ANO3: variants seen among roughly 807,000 people sequenced by gnomAD.
ANO3 encodes the protein anoctamin 3.
In ANO3, 99 loss-of-function variants were observed where a neutral mutation model predicts 144.8. The observed-to-expected ratio is 0.68, with a 90% CI of 0.58 to 0.81. The LOEUF is 0.81. ANO3 is among the 30% of genes least tolerant of loss of function. The pLI is 0.00. For missense variants in ANO3, 905 were observed against 1,202.2 expected (o/e 0.75, Z 3.66); for synonymous variants, 414 against 392.6 (o/e 1.05, Z -0.64).
intron 3 of ANO3, among the ~76,000 whole-genome samples, chr11:26,447,266 G>A (rs1219104020): frequency 4.1e-5 from 6 of 147,498 alleles, no homozygotes; most frequent in East Asian, 2.0e-4. Context: ...ATGATGGCAC[G>A]ATGGATAAAC....
At chr11:26,525,126 C>T (rs1031869582) in intron 6 of ANO3, among the ~76,000 whole-genome samples, 1 of 152,092 alleles carries the variant, frequency 6.6e-6, no homozygotes, top group African/African-American at 2.4e-5. Flanking sequence ...TGACTTCTCA[C>T]CTCAACTATC....
At chr11:26,495,478 T>C (rs369288303) in intron 4 of ANO3, among the ~76,000 whole-genome samples, 6 of 152,174 alleles carry the variant, frequency 3.9e-5, no homozygotes, top group African/African-American at 1.4e-4. Context: ...AAAATAGGCA[T>C]GAATATTTTA....
At chr11:26,550,106 T>C (rs902878609) in intron 12 of ANO3, among the ~76,000 whole-genome samples, 1 of 151,830 alleles carries the variant, frequency 6.6e-6, no homozygotes, top group Non-Finnish European at 1.5e-5. Context: ...ATCTAGTAAG[T>C]GGTCAGCTAA....
chr11:26,364,192 A>C lies in ANO3; in HGVS notation c.46+31871A>C, dbSNP rs1856002123. 2.0e-5 allele frequency among the ~76,000 whole-genome samples: 3 copies of C among 152,104 alleles called. No homozygotes were observed. The South Asian group carries it at 6.2e-4, about 32-fold the overall frequency. Reference sequence around the variant, plus strand: ...GGGTGCCGTTCCAAATCAAATAAGAAATTTTTTTTAGTTCCATATAGAATG... The same window carrying C: ...GGGTGCCGTTCCAAATCAAATAAGACATTTTTTTTAGTTCCATATAGAATG... On this transcript the variant is annotated intron_variant, in intron 1 of 26. Coordinates refer to ENST00000256737, the MANE Select transcript of ANO3 (RefSeq NM_031418.4).
chr11:26,282,317 T>G lies in ANO3; in HGVS notation c.155-27328T>G, dbSNP rs536979896. On this transcript the variant is annotated intron_variant, in intron 1 of 27. Coordinates refer to the ANO3 transcript ENST00000672621. ...CAGGTTTTCATTTTTTTTGTTTTTT[T>G]TTTTGTAATAGATTATCTGATTCAT... 4.6e-5 allele frequency among the ~76,000 whole-genome samples: 7 copies of G among 152,018 alleles called. No individual in the cohort carries two copies. The South Asian group carries it at 1.5e-3, about 32-fold the overall frequency.
At chr11:26,336,515 CT>C (rs1189037257) in intron 1 of ANO3, among the ~76,000 whole-genome samples, 1 of 152,156 alleles carries the variant, frequency 6.6e-6, no homozygotes, top group East Asian at 1.9e-4. Context: ...TTTTCTTTCT[CT>C]TTTTCTTTAA....
chr11:26,189,193 T>G (rs1851429328), exon 1 of ANO3: 1 of 985,190 alleles, frequency 1.0e-6, no homozygotes, highest in African/African-American at 1.7e-5. Flanking sequence ...GTTTTAAAAT[T>G]TGAACTGGAT....
At chr11:26,197,340 TTTTG>T (rs1182863885) in intron 1 of ANO3, among the ~76,000 whole-genome samples, 1 of 151,794 alleles carries the variant, frequency 6.6e-6, no homozygotes, top group Non-Finnish European at 1.5e-5. Context: ...AGTTTAATAT[TTTTG>T]TTTTTGTTTT....
rs117550515 is a variant in ANO3 at position 26,429,679 on chromosome 11, A to G, written c.47-12239A>G. Among the ~76,000 whole-genome samples, 1,339 of 152,308 alleles carry G rather than the reference A, an allele frequency of 8.8e-3. 9 individuals carry two copies. The highest frequency in any genetic ancestry group is 0.013 in the Non-Finnish European group (913 of 68,022). ...AGTCATACATAAAAAAGTGAATTAGAAAGAAAGGTTGCAGTTCTGATACTG... is the reference window on the plus strand; with the variant it reads ...AGTCATACATAAAAAAGTGAATTAGGAAGAAAGGTTGCAGTTCTGATACTG... On this transcript the variant is annotated intron_variant, in intron 1 of 26. Coordinates refer to ENST00000256737, the MANE Select transcript of ANO3 (RefSeq NM_031418.4).
intron 1 of ANO3, among the ~76,000 whole-genome samples, chr11:26,436,769 C>T (rs914791362): frequency 6.6e-6 from 1 of 152,022 alleles, no homozygotes; most frequent in Non-Finnish European, 1.5e-5. Context: ...TGTGAAAGAA[C>T]AAAGATGGCA....
chr11:26,571,843 A>G (rs1342342715), intron 14 of ANO3, among the ~76,000 whole-genome samples: 1 of 152,128 alleles, frequency 6.6e-6, no homozygotes, highest in East Asian at 1.9e-4. Context: ...CTCATTTAGG[A>G]GTGCAAATAC....
intron 1 of ANO3, among the ~76,000 whole-genome samples, chr11:26,357,031 C>CTA (rs934462212): frequency 1.3e-5 from 2 of 152,172 alleles, no homozygotes; most frequent in African/African-American, 4.8e-5. Flanking sequence ...GTCCCTTTTG[C>CTA]TATATAAGGT....
intron 1 of ANO3, among the ~76,000 whole-genome samples, chr11:26,350,117 C>G (rs1191078115): frequency 6.6e-6 from 1 of 151,328 alleles, no homozygotes; most frequent in Non-Finnish European, 1.5e-5. Flanking sequence ...GTGGAGAAAC[C>G]GACAAATGCA....
At chr11:26,641,349 G>T (rs1187780858) in intron 21 of ANO3, among the ~76,000 whole-genome samples, 1 of 152,146 alleles carries the variant, frequency 6.6e-6, no homozygotes, top group Non-Finnish European at 1.5e-5. Flanking sequence ...CTAATGCATT[G>T]CAGGATGGGA....
chr11:26,617,329 A>C lies in ANO3; in HGVS notation c.1837-7133A>C, dbSNP rs11029644. On this transcript the variant is annotated intron_variant, in intron 17 of 26. Coordinates refer to ENST00000256737, the MANE Select transcript of ANO3 (RefSeq NM_031418.4). ...AACTTGCTCTTAAGTTTATGTGTTT[A>C]ATGAGGCTTAATGTATTATTTATTC... 1.7e-3 allele frequency among the ~76,000 whole-genome samples: 254 copies of C among 152,334 alleles called. 8 individuals carry two copies. In the East Asian group the frequency reaches 0.039, roughly 23 times the overall value.
At chr11:26,224,679 T>C (rs1564923927) in intron 1 of ANO3, among the ~76,000 whole-genome samples, 1 of 152,318 alleles carries the variant, frequency 6.6e-6, no homozygotes, top group East Asian at 1.9e-4. Flanking sequence ...CAAGCATCCT[T>C]TTGTCAAGGC....
chr11:26,624,310 C>A (rs911807607), intron 17 of ANO3, 152 bp from the exon 18 acceptor site: 23 of 560,034 alleles, frequency 4.1e-5, no homozygotes, highest in Admixed American at 4.0e-4. Flanking sequence ...ATATATAAAG[C>A]CTTACATACT....
At chr11:26,489,934 T>C (rs775592611) in intron 4 of ANO3, among the ~76,000 whole-genome samples, 24 of 152,168 alleles carry the variant, frequency 1.6e-4, no homozygotes, top group Non-Finnish European at 2.9e-4. Flanking sequence ...ACTGTGGACA[T>C]TTTGGTTAAT....
intron 2 of ANO3, 50 bp downstream of exon 2, chr11:26,442,162 T>G: frequency 6.5e-7 from 1 of 1,545,870 alleles, no homozygotes; most frequent in Admixed American, 1.7e-5. Flanking sequence ...ACTACGTGTT[T>G]TCCAAACACT....
Sources: allele counts gnomAD v4.1 joint callset (sites outside exome capture counted in the v4.1 genomes callset), GRCh38; gene constraint gnomAD v4.1.1; transcripts MANE v1.5; gene names NCBI Gene and HGNC (gene_info 2026-07-23, HGNC 2026-07-21).